The following RAD50 variants were observed in gnomAD, a reference collection of about 807,000 sequenced individuals.
The protein encoded by RAD50 is DNA repair protein RAD50.
In RAD50, 132 loss-of-function variants were observed where a neutral mutation model predicts 168.8. The ratio of observed to expected loss-of-function variants is 0.78; its 90% CI spans 0.68 to 0.90. The LOEUF is 0.90. RAD50 is among the 40% of genes least tolerant of loss of function. The pLI, the probability that RAD50 is intolerant of heterozygous loss-of-function variation, is 0.00. For synonymous variants in RAD50, 525 were observed against 497.4 expected, an observed-to-expected ratio of 1.06 and a Z score of -0.74; for missense variants, 1,347 against 1,534.4, an observed-to-expected ratio of 0.88 and a Z score of 2.04.
Position 132,637,189 on chromosome 5 carries a change from A to G in RAD50, c.3464A>G (p.Tyr1155Cys), listed in dbSNP as rs1554100868. ...KIIRDLWRST[Y>C]RGQDIEYIEI... Reference sequence around the variant, plus strand: ...ATACGTGACCTGTGGCGAAGTACCTATCGTGGACAAGGTGAGTACCATGGT... The same window carrying G: ...ATACGTGACCTGTGGCGAAGTACCTGTCGTGGACAAGGTGAGTACCATGGT... Residue 1155 changes from tyrosine to cysteine, a missense_variant, in exon 22 of 25, where the codon TAT becomes TGT. Transcript: ENST00000378823. 4 of 1,611,068 alleles carry G rather than the reference A, an allele frequency of 2.5e-6. No individual in the cohort carries two copies. The highest frequency in any genetic ancestry group is 3.4e-6 in the Non-Finnish European group (4 of 1,178,158).
Position 132,559,355 on chromosome 5 carries a change from A to G in RAD50, c.201A>G (p.Val67=). 6.2e-7 allele frequency: 1 copy of G among 1,608,826 alleles called. No homozygotes were observed. The highest frequency in any genetic ancestry group is 8.5e-7 in the Non-Finnish European group (1 of 1,177,302). ...CTGGAACCAAAGGAAATACATTTGTACACGATCCCAAGGTAATGGTGCTAG... is the reference window on the plus strand; with the variant it reads ...CTGGAACCAAAGGAAATACATTTGTGCACGATCCCAAGGTAATGGTGCTAG... The part of the protein sequence containing the change: ...FPPGTKGNTF[V]HDPKVAQETD... The change falls in exon 2 of 25, where the codon GTA becomes GTG. Residue 67 remains valine, a synonymous_variant. Transcript: ENST00000378823.
At position 132,644,065 on chromosome 5, in the gene RAD50, G is replaced by C; in HGVS notation, c.*1701G>C. ...CATTTCTCAGTAAATATTAAAGCCAGTTACCTTCTATCAACATGTTAATGA... is the reference window on the plus strand; with the variant it reads ...CATTTCTCAGTAAATATTAAAGCCACTTACCTTCTATCAACATGTTAATGA... On this transcript the variant is annotated 3_prime_UTR_variant, in exon 25 of 25. Coordinates refer to ENST00000378823, the MANE Select transcript of RAD50 (RefSeq NM_005732.4). 9.6e-6 allele frequency: 2 copies of C among 207,672 alleles called. No homozygotes were observed. The highest frequency in any genetic ancestry group is 2.0e-5 in the Non-Finnish European group (2 of 101,924). 12.9% of individuals were successfully genotyped at this position (207,672 alleles called of 1,614,324 possible).
At position 132,639,944 on chromosome 5, in the gene RAD50, A is replaced by G. The variant is rs74879194; in HGVS notation, c.3619-728A>G. 4.1e-3 allele frequency among the ~76,000 whole-genome samples: 618 copies of G among 152,318 alleles called. 1 individual carries two copies. Among genetic ancestry groups the G allele is most frequent in the African/African-American group, 0.014 (571 of 41,582 alleles). On this transcript the variant is annotated intron_variant, in intron 23 of 24. Coordinates refer to ENST00000378823, the MANE Select transcript of RAD50 (RefSeq NM_005732.4). ...CACCCACCCACAAACTGAGGGGGAA[A>G]GGGGACTTACAGCTCACACCAGAGT...
intron 21 of RAD50, among the ~76,000 whole-genome samples, chr5:132,625,125 C>T (rs1368302495): frequency 2.7e-5 from 4 of 147,832 alleles, no homozygotes; most frequent in South Asian, 2.1e-4. Flanking sequence ...CTCGCTCTGT[C>T]GCCCAGGCTG....
chr5:132,633,437 T>A (rs1751513281), intron 21 of RAD50, among the ~76,000 whole-genome samples: 3 of 151,916 alleles, frequency 2.0e-5, no homozygotes, highest in Admixed American at 6.6e-5. Flanking sequence ...CTTTTGTAAC[T>A]TTTAATTTTT....
chr5:132,596,443 A>C (rs1750793239), intron 13 of RAD50, among the ~76,000 whole-genome samples: 4 of 152,238 alleles, frequency 2.6e-5, no homozygotes, highest in Non-Finnish European at 5.9e-5. Context: ...CCAGCAAAAG[A>C]ATTTAAGTAT....
intron 16 of RAD50, among the ~76,000 whole-genome samples, chr5:132,607,849 G>A (rs1751012196): frequency 6.6e-6 from 1 of 152,110 alleles, no homozygotes; most frequent in Admixed American, 6.5e-5. Context: ...CTATATTGAA[G>A]TAATTACTAA....
chr5:132,592,897 A>T (rs1424249943), intron 11 of RAD50: 6 of 470,934 alleles, frequency 1.3e-5, no homozygotes, highest in Non-Finnish European at 2.6e-5. Context: ...GATTTTGGGC[A>T]TCCATCAAGT....
At chr5:132,631,112 G>A (rs972371879) in intron 21 of RAD50, among the ~76,000 whole-genome samples, 16 of 147,052 alleles carry the variant, frequency 1.1e-4, no homozygotes, top group African/African-American at 3.8e-4. Context: ...CTCCGAGAGA[G>A]TCTCACTTTT....
rs188915555 is a variant in RAD50 at position 132,632,535 on chromosome 5, T to C, written c.3390-4580T>C. 1.1e-4 allele frequency among the ~76,000 whole-genome samples: 17 copies of C among 152,370 alleles called. No homozygotes were observed. In the East Asian group the frequency reaches 3.1e-3, roughly 28 times the overall value. ...AATCTTTTACGTTCATATATTCAAG[T>C]ACCTTGTATTTTTAATGGCTGCATA... On this transcript the variant is annotated intron_variant, in intron 21 of 24. Coordinates refer to ENST00000378823, the MANE Select transcript of RAD50 (RefSeq NM_005732.4).
chr5:132,615,944 A>G, intron 19 of RAD50, 59 bp from the exon 20 acceptor site: 2 of 1,474,292 alleles, frequency 1.4e-6, no homozygotes, highest in Non-Finnish European at 1.9e-6. Context: ...GTTGCCTGTT[A>G]CAGATTTCAT....
chr5:132,595,099 C>T, intron 12 of RAD50, 55 bp downstream of exon 12: 1 of 1,529,758 alleles, frequency 6.5e-7, no homozygotes, highest in Non-Finnish European at 9.0e-7. Flanking sequence ...AATTTTCATT[C>T]ACAGGTAACT....
Position 132,643,553 on chromosome 5 carries a change from C to T in RAD50, c.*1189C>T, listed in dbSNP as rs143451704. The T allele has an allele frequency of 3.5e-3, 822 of 233,162 alleles. 10 individuals are homozygous for T. The highest frequency in any genetic ancestry group is 0.017 in the African/African-American group (750 of 45,322). 14.4% of individuals were successfully genotyped at this position (233,162 alleles called of 1,614,324 possible). On this transcript the variant is annotated 3_prime_UTR_variant, in exon 25 of 25. Transcript: ENST00000378823. Reference sequence around the variant, plus strand: ...CAACTGGGTCCAGAAGAGAATTAAGCCCTAAGGTCCTAAGGCATCTATCTG... The same window carrying T: ...CAACTGGGTCCAGAAGAGAATTAAGTCCTAAGGTCCTAAGGCATCTATCTG...
Position 132,644,853 on chromosome 5 carries a change from C to G in RAD50, c.*2489C>G, listed in dbSNP as rs1381252135. 6.5e-6 allele frequency: 1 copy of G among 153,078 alleles called. No homozygotes were observed. Among genetic ancestry groups the G allele is most frequent in the African/African-American group, 2.4e-5 (1 of 41,462 alleles). 9.5% of individuals were successfully genotyped at this position (153,078 alleles called of 1,614,324 possible). On this transcript the variant is annotated 3_prime_UTR_variant, in exon 25 of 25. Coordinates refer to ENST00000378823, the MANE Select transcript of RAD50 (RefSeq NM_005732.4). ...TGGCACCATCTCAGCTCACTGCAAC[C>G]TCTGCCTCCCTGATACAAGCAATCC...
intron 2 of RAD50, 91 bp from the exon 3 acceptor site, chr5:132,575,686 A>G (rs943200015): frequency 1.0e-5 from 13 of 1,275,500 alleles, no homozygotes; most frequent in Non-Finnish European, 1.5e-5. Context: ...TTGTTCCCTC[A>G]TTTTGGGTAA....
At chr5:132,638,489 G>C (rs1021708053) in intron 23 of RAD50, among the ~76,000 whole-genome samples, 1 of 152,082 alleles carries the variant, frequency 6.6e-6, no homozygotes, top group African/African-American at 2.4e-5. Context: ...CTGAAGACCC[G>C]TTAGAGTTTT....
chr5:132,640,197 T>C (rs1751687315), intron 23 of RAD50, among the ~76,000 whole-genome samples: 1 of 152,172 alleles, frequency 6.6e-6, no homozygotes, highest in South Asian at 2.1e-4. Context: ...AGTCTCAGGA[T>C]TATACACAAG....
intron 13 of RAD50, 63 bp from the exon 14 acceptor site, chr5:132,603,237 A>G (rs904211469): frequency 4.2e-6 from 6 of 1,436,858 alleles, no homozygotes; most frequent in Non-Finnish European, 5.7e-6. Context: ...CTAAAAATAC[A>G]TAACCTCAGT....
At chr5:132,627,008 G>C (rs1751383997) in intron 21 of RAD50, among the ~76,000 whole-genome samples, 1 of 152,060 alleles carries the variant, frequency 6.6e-6, no homozygotes, top group African/African-American at 2.4e-5. Flanking sequence ...AGCCTTCTAA[G>C]TAGCTGGGAT....
Sources: allele counts gnomAD v4.1 joint callset (sites outside exome capture counted in the v4.1 genomes callset), GRCh38; gene constraint gnomAD v4.1.1; transcripts MANE v1.5; gene names NCBI Gene and HGNC (gene_info 2026-07-23, HGNC 2026-07-21).